Variants in FBXL20 observed in about 807,000 individuals in gnomAD.
The protein encoded by FBXL20 is F-box/LRR-repeat protein 20.
In FBXL20, 11 loss-of-function variants were observed where a neutral mutation model predicts 64.0. The observed-to-expected ratio is 0.17, with a 90% CI of 0.11 to 0.28. FBXL20 has a LOEUF of 0.28. FBXL20 is among the 10% of genes least tolerant of loss of function. The probability of loss-of-function intolerance (pLI) is 1.00; values close to 1 mark genes in which losing one functional copy is unlikely to be tolerated. For missense variants in FBXL20, 303 were observed against 526.2 expected (o/e 0.58, Z 4.15); for synonymous variants, 184 against 189.0 (o/e 0.97, Z 0.22).
At chr17:39,320,697 C>A (rs527264861) in intron 2 of FBXL20, among the ~76,000 whole-genome samples, 1 of 151,190 alleles carries the variant, frequency 6.6e-6, no homozygotes, top group Non-Finnish European at 1.5e-5. Context: ...CAGGCTCAAG[C>A]GATTCTCCTG....
At chr17:39,272,623 A>G (rs2046854419) in intron 10 of FBXL20, among the ~76,000 whole-genome samples, 1 of 147,834 alleles carries the variant, frequency 6.8e-6, no homozygotes, top group South Asian at 2.2e-4. Flanking sequence ...AATTGCTTGA[A>G]CCTGGGAGGA....
rs567218450 is a variant in FBXL20 at position 39,258,072 on chromosome 17, G to C, written c.*3388C>G. ...CCTGTAGGTTTACGGCAGTAGTTTT[G>C]AGGGTACCTTCTAACTTATCCCCAA... On this transcript the variant is annotated 3_prime_UTR_variant, in exon 15 of 15. Transcript: ENST00000264658. 5.3e-5 allele frequency: 8 copies of C among 152,296 alleles called. No individual in the cohort carries two copies. Among genetic ancestry groups the C allele is most frequent in the African/African-American group, 1.7e-4 (7 of 41,550 alleles). The allele number at this position is 152,296 out of a possible 1,614,324, so 9.4% of individuals were successfully genotyped here.
At chr17:39,396,960 A>G (rs1220308600) in intron 1 of FBXL20, among the ~76,000 whole-genome samples, 1 of 124,936 alleles carries the variant, frequency 8.0e-6, no homozygotes, top group Non-Finnish European at 1.6e-5. Flanking sequence ...CCGGCTCAAA[A>G]AAAAAAAAAA....
At chr17:39,310,941 G>A (rs770910236) in intron 2 of FBXL20, among the ~76,000 whole-genome samples, 20 of 151,768 alleles carry the variant, frequency 1.3e-4, no homozygotes, top group African/African-American at 4.1e-4. Context: ...AACTGAGATC[G>A]CGCCACTGCA....
At chr17:39,315,393 T>TTATATATATATATATATATATATATATA (rs59563317) in intron 2 of FBXL20, among the ~76,000 whole-genome samples, 68 of 134,528 alleles carry the variant, frequency 5.1e-4, no homozygotes, top group African/African-American at 1.3e-3. Flanking sequence ...TTTAAATAAT[T>TTATATATATATATATATATATATATATA]TATATATATA....
chr17:39,306,305 C>G (rs913521658), intron 2 of FBXL20, among the ~76,000 whole-genome samples: 2 of 151,976 alleles, frequency 1.3e-5, no homozygotes, highest in Non-Finnish European at 2.9e-5. Context: ...CATCCCACCA[C>G]CACACGCCAG....
rs2046680529 is a variant in FBXL20, at chr17:39,254,843, T to C, written c.*6617A>G. ...AACAGAAAGGACTATTGATAGGATT[T>C]TGCTTGTTCATGGTTCTTTGTAAAA... On this transcript the variant is annotated 3_prime_UTR_variant, in exon 15 of 15. Coordinates refer to ENST00000264658, the MANE Select transcript of FBXL20 (RefSeq NM_032875.3). The C allele has an allele frequency of 6.5e-6, 1 of 154,088 alleles. No individual in the cohort carries two copies. The allele number at this position is 154,088 out of a possible 1,614,324, so 9.5% of individuals were successfully genotyped here.
At chr17:39,290,553 G>A (rs1197971876) in intron 6 of FBXL20, among the ~76,000 whole-genome samples, 2 of 152,028 alleles carry the variant, frequency 1.3e-5, no homozygotes, top group African/African-American at 2.4e-5. Context: ...AAGAAGTTAC[G>A]TTATCTTATT....
At chr17:39,306,426 G>C (rs765368958) in intron 2 of FBXL20, among the ~76,000 whole-genome samples, 16 of 152,128 alleles carry the variant, frequency 1.1e-4, no homozygotes, top group Non-Finnish European at 2.2e-4. Flanking sequence ...TCAATGTCAT[G>C]AAGTTTTTCT....
chr17:39,264,214 G>C lies in FBXL20; in HGVS notation c.1164C>G (p.Asp388Glu). The change falls in exon 14 of 15, where the codon GAC becomes GAG. Residue 388 changes from aspartate (D) to glutamate (E), a missense_variant. Asp to Glu is a conservative substitution (Grantham distance 45). Around this residue, in one of 3 missense-constraint regions of FBXL20, gnomAD observed 56 missense variants for 86.0 expected, o/e 0.65. Coordinates refer to ENST00000264658, the MANE Select transcript of FBXL20 (RefSeq NM_032875.3). The part of the protein sequence containing the change: ...CHSLERIELY[D>E]CQQITRAGIK... ...TTCCAGCCCGTGTGATTTGCTGGCA[G>C]TCATAGAGTTCTATCCGCTCAAGGC... 1 of 1,614,226 alleles carries C rather than the reference G, an allele frequency of 6.2e-7. No homozygotes were observed. The highest frequency in any genetic ancestry group is 8.5e-7 in the Non-Finnish European group (1 of 1,180,044).
At chr17:39,269,612 C>A (rs1050693613) in intron 11 of FBXL20, among the ~76,000 whole-genome samples, 4 of 151,898 alleles carry the variant, frequency 2.6e-5, no homozygotes, top group African/African-American at 9.7e-5. Flanking sequence ...GATTCTCCTG[C>A]CTCAGCCTCC....
chr17:39,285,945 A>G (rs1240343695), intron 6 of FBXL20, among the ~76,000 whole-genome samples: 1 of 152,246 alleles, frequency 6.6e-6, no homozygotes, highest in African/African-American at 2.4e-5. Context: ...TCAAACATGA[A>G]GAAGAAACGC....
chr17:39,347,770 CTA>C (rs1567890838), intron 1 of FBXL20, among the ~76,000 whole-genome samples: 1 of 152,140 alleles, frequency 6.6e-6, no homozygotes, highest in Non-Finnish European at 1.5e-5. Flanking sequence ...TTGCCCACCC[CTA>C]TGTTCTGAAT....
intron 3 of FBXL20, among the ~76,000 whole-genome samples, chr17:39,302,374 CTTT>C (rs35716617): frequency 1.5e-5 from 2 of 129,950 alleles, no homozygotes; most frequent in Admixed American, 8.0e-5. Context: ...CCGCATTTGG[CTTT>C]TTTTTTTTTT....
chr17:39,275,136 G>A (rs937580655), intron 9 of FBXL20, 36 bp from the exon 10 acceptor site: 3 of 1,565,188 alleles, frequency 1.9e-6, no homozygotes, highest in Non-Finnish European at 1.7e-6. Context: ...ATAGATATTA[G>A]TATCTTAGCA....
chr17:39,319,013 G>A (rs940051128), intron 2 of FBXL20, among the ~76,000 whole-genome samples: 8 of 152,070 alleles, frequency 5.3e-5, no homozygotes, highest in African/African-American at 1.9e-4. Flanking sequence ...CACTTTGGGA[G>A]GTCGAGGCAG....
In FBXL20 at chr17:39,282,914, C is replaced by T. The variant is rs984581396; in HGVS notation, c.495-59G>A. ...CTAAATCCAATTCCAAAAACACCAA[C>T]GTCTCAATTTATTGGCTATTTAGTA... On this transcript the variant is annotated intron_variant, in intron 7 of 14. Coordinates refer to ENST00000264658, the MANE Select transcript of FBXL20 (RefSeq NM_032875.3). The T allele has an allele frequency of 1.1e-5, 18 of 1,592,176 alleles. No homozygotes were observed. In the East Asian group the frequency reaches 3.4e-4, roughly 30 times the overall value.
chr17:39,370,957 G>A (rs2047912577), intron 1 of FBXL20, among the ~76,000 whole-genome samples: 2 of 152,084 alleles, frequency 1.3e-5, no homozygotes, highest in South Asian at 2.1e-4. Context: ...GTTGGCTCAC[G>A]CCTATAATCC....
chr17:39,390,282 C>T (rs192272148), intron 1 of FBXL20, among the ~76,000 whole-genome samples: 144 of 152,042 alleles, frequency 9.5e-4, no homozygotes, highest in African/African-American at 3.1e-3. Context: ...ATTGGCCAGA[C>T]GCGGTGGCTC....
Sources: gnomAD v4.1 joint callset for allele counts (sites outside exome capture counted in the v4.1 genomes callset) on GRCh38, gnomAD v4.1.1 for gene constraint, gnomAD v4.1.1 regional missense constraint, MANE v1.5 for transcripts, NCBI Gene and HGNC (gene_info 2026-07-23, HGNC 2026-07-21) for gene names.